STPG2: variants seen among roughly 807,000 people sequenced by gnomAD.
The protein encoded by STPG2 is sperm-tail PG-rich repeat-containing protein 2.
A neutral mutation model predicts 54.2 loss-of-function variants in STPG2; 56 were observed. The observed-to-expected ratio is 1.03, with a 90% confidence interval of 0.83 to 1.29. STPG2 has a LOEUF of 1.29. Among genes scored for constraint, STPG2 ranks in the 50% most tolerant of loss-of-function variants. The probability of loss-of-function intolerance (pLI) is 0.00; values close to 1 mark genes in which losing one functional copy is unlikely to be tolerated. For synonymous variants in STPG2, 200 were observed against 181.8 expected, an observed-to-expected ratio of 1.10 and a Z score of -0.81; for missense variants, 596 against 544.9, an observed-to-expected ratio of 1.09 and a Z score of -0.93.
intron 10 of STPG2, among the ~76,000 whole-genome samples, chr4:97,576,939 G>T (rs1732738131): frequency 6.6e-6 from 1 of 151,996 alleles, no homozygotes; most frequent in Non-Finnish European, 1.5e-5. Flanking sequence ...TGGGCAAAGG[G>T]CATGAACAGA....
chr4:97,751,591 A>T (rs1023251577), intron 9 of STPG2, among the ~76,000 whole-genome samples: 1 of 151,850 alleles, frequency 6.6e-6, no homozygotes, highest in Non-Finnish European at 1.5e-5. Flanking sequence ...AAAAGAATTT[A>T]GTAATTAGGT....
chr4:97,963,350 T>C (rs540203553), intron 7 of STPG2, among the ~76,000 whole-genome samples: 33 of 152,078 alleles, frequency 2.2e-4, no homozygotes, highest in Admixed American at 2.0e-3. Flanking sequence ...AAATTTAATA[T>C]TATGTTTTTT....
At chr4:98,052,719 A>G (rs903556491) in intron 5 of STPG2, among the ~76,000 whole-genome samples, 4 of 152,248 alleles carry the variant, frequency 2.6e-5, no homozygotes, top group African/African-American at 7.2e-5. Context: ...AGCATTAAAT[A>G]AAATCACATA....
At chr4:97,493,470 T>C (rs1011943601) in intron 4 of STPG2, among the ~76,000 whole-genome samples, 14 of 151,180 alleles carry the variant, frequency 9.3e-5, no homozygotes, top group Non-Finnish European at 1.3e-4. Context: ...TCAAGGAGAA[T>C]ATTAGTGGAG....
At chr4:98,079,410 G>C (rs1301954108) in intron 5 of STPG2, among the ~76,000 whole-genome samples, 7 of 152,158 alleles carry the variant, frequency 4.6e-5, no homozygotes, top group African/African-American at 1.7e-4. Flanking sequence ...AGTATAAGCT[G>C]GCTGCAGGGT....
At position 97,638,331 on chromosome 4, in the gene STPG2, A is replaced by G. The variant is rs1721632841; in HGVS notation, c.1320+74368T>C. Among the ~76,000 whole-genome samples, 4 of 152,128 alleles carry G rather than the reference A, an allele frequency of 2.6e-5. No individual in the cohort carries two copies. The South Asian group carries it at 8.3e-4, about 31-fold the overall frequency. ...ACTGGATCCCTTCCTTACACCTTAT[A>G]CAAAAATCAATTCAAGATGGATTAA... On this transcript the variant is annotated intron_variant, in intron 10 of 10. Transcript: ENST00000295268.
intron 10 of STPG2, among the ~76,000 whole-genome samples, chr4:97,600,440 C>A (rs945797790): frequency 6.6e-6 from 1 of 151,896 alleles, no homozygotes; most frequent in African/African-American, 2.4e-5. Context: ...AAGCAAAAAC[C>A]AGAAAAAAGG....
chr4:98,108,749 C>G (rs1004165323), intron 4 of STPG2, among the ~76,000 whole-genome samples: 3 of 152,054 alleles, frequency 2.0e-5, no homozygotes, highest in African/African-American at 7.2e-5. Flanking sequence ...CCCCTCTAAC[C>G]CTTGCATTTT....
chr4:97,746,964 A>G (rs1725436053), intron 9 of STPG2, among the ~76,000 whole-genome samples: 1 of 150,928 alleles, frequency 6.6e-6, no homozygotes, highest in Non-Finnish European at 1.5e-5. Flanking sequence ...ATCTATTTTG[A>G]AGTCAGGAAA....
intron 1 of STPG2, among the ~76,000 whole-genome samples, chr4:98,141,519 G>C (rs536545947): frequency 1.3e-5 from 2 of 151,748 alleles, no homozygotes; most frequent in African/African-American, 4.9e-5. Flanking sequence ...TCTTCAGATA[G>C]ACTCAACCAA....
chr4:97,758,337 G>T (rs1023775262), intron 9 of STPG2, among the ~76,000 whole-genome samples: 1 of 152,090 alleles, frequency 6.6e-6, no homozygotes, highest in Non-Finnish European at 1.5e-5. Flanking sequence ...GTTTATTGCA[G>T]CACTATTTAC....
chr4:97,503,996 A>T (rs2148835458), intron 4 of STPG2, among the ~76,000 whole-genome samples: 1 of 142,578 alleles, frequency 7.0e-6, no homozygotes, highest in South Asian at 2.1e-4. Context: ...ATATTTTAAA[A>T]ATATATTTTC....
chr4:98,041,006 A>T (rs1736936110), intron 5 of STPG2, among the ~76,000 whole-genome samples: 1 of 151,714 alleles, frequency 6.6e-6, no homozygotes, highest in Non-Finnish European at 1.5e-5. Flanking sequence ...TGTGTCATCT[A>T]CGATTTCTTT....
chr4:97,844,209 G>T (rs1208332042), intron 8 of STPG2, among the ~76,000 whole-genome samples: 1 of 151,868 alleles, frequency 6.6e-6, no homozygotes, highest in Admixed American at 6.6e-5. Flanking sequence ...CTGCATGTAG[G>T]TTCTGATCTT....
At chr4:97,850,397 A>G (rs960620741) in intron 8 of STPG2, among the ~76,000 whole-genome samples, 2 of 151,630 alleles carry the variant, frequency 1.3e-5, no homozygotes, top group Non-Finnish European at 2.9e-5. Context: ...CTTAATGTAT[A>G]CTTCTTATGA....
chr4:97,867,048 C>T (rs1729812989), intron 8 of STPG2, among the ~76,000 whole-genome samples: 1 of 151,882 alleles, frequency 6.6e-6, no homozygotes, highest in Non-Finnish European at 1.5e-5. Flanking sequence ...CCATGCTAGC[C>T]CAGATCTGAG....
chr4:97,638,577 A>C (rs1326758134), intron 10 of STPG2, among the ~76,000 whole-genome samples: 1 of 150,248 alleles, frequency 6.7e-6, no homozygotes, highest in Non-Finnish European at 1.5e-5. Flanking sequence ...ATGGGAGAAA[A>C]TTTTTGCAAC....
chr4:97,953,891 C>G (rs1271299725), intron 7 of STPG2, among the ~76,000 whole-genome samples: 2 of 152,190 alleles, frequency 1.3e-5, no homozygotes, highest in Non-Finnish European at 2.9e-5. Context: ...AAAAAGTTCA[C>G]AGTGAGAATT....
At chr4:98,127,852 G>T (rs1001370720) in intron 3 of STPG2, among the ~76,000 whole-genome samples, 9 of 151,668 alleles carry the variant, frequency 5.9e-5, no homozygotes, top group Non-Finnish European at 1.2e-4. Context: ...AATCATTTCT[G>T]GAATAAATGA....
Sources: allele counts gnomAD v4.1 joint callset (sites outside exome capture counted in the v4.1 genomes callset), GRCh38; gene constraint gnomAD v4.1.1; transcripts MANE v1.5; gene names NCBI Gene and HGNC (gene_info 2026-07-23, HGNC 2026-07-21).